Variants in AFF3 observed in about 807,000 individuals in gnomAD.
AFF3 encodes the protein ALF transcription elongation factor 3.
AFF3 carries 32 observed loss-of-function variants against 129.7 expected under a neutral mutation model. The ratio of observed to expected loss-of-function variants is 0.25; its 90% confidence interval spans 0.19 to 0.33. AFF3 has a LOEUF of 0.33. AFF3 is among the 10% of genes least tolerant of loss of function. The pLI, the probability that AFF3 is intolerant of heterozygous loss-of-function variation, is 1.00. For missense variants in AFF3, 1,373 were observed against 1,592.0 expected (o/e 0.86, Z 2.34); for synonymous variants, 644 against 635.4 (o/e 1.01, Z -0.20).
At chr2:99,678,702 T>C (rs1427631712) in intron 11 of AFF3, among the ~76,000 whole-genome samples, 2 of 152,268 alleles carry the variant, frequency 1.3e-5, no homozygotes, top group African/African-American at 2.4e-5. Context: ...CTAAGACAAA[T>C]GTTTATGAAT....
At chr2:99,876,196 A>T (rs1221121873) in intron 7 of AFF3, among the ~76,000 whole-genome samples, 3 of 152,108 alleles carry the variant, frequency 2.0e-5, no homozygotes, top group Non-Finnish European at 4.4e-5. Context: ...GACCATTTGT[A>T]TTCTAAGTTG....
chr2:100,106,695 C>T (rs1407005843), intron 2 of AFF3: 8 of 985,956 alleles, frequency 8.1e-6, no homozygotes, highest in African/African-American at 3.5e-5. Flanking sequence ...GGAGACCTCC[C>T]GGCCCTCACC....
At chr2:99,730,192 C>T (rs1679706865) in intron 10 of AFF3, among the ~76,000 whole-genome samples, 2 of 152,040 alleles carry the variant, frequency 1.3e-5, no homozygotes, top group African/African-American at 4.8e-5. Context: ...GGAAAAGATG[C>T]TTAAGGTACC....
chr2:99,940,327 A>G (rs1674910359), intron 7 of AFF3, among the ~76,000 whole-genome samples: 2 of 152,164 alleles, frequency 1.3e-5, no homozygotes, highest in Non-Finnish European at 2.9e-5. Context: ...AATCAGAGCA[A>G]CTCCATCTTG....
At chr2:99,967,774 T>C (rs1677938443) in intron 7 of AFF3, among the ~76,000 whole-genome samples, 1 of 152,270 alleles carries the variant, frequency 6.6e-6, no homozygotes, top group African/African-American at 2.4e-5. Flanking sequence ...ATTTGTATTC[T>C]ACTTCTGAAA....
At chr2:99,998,579 A>T (rs898420954) in intron 7 of AFF3, among the ~76,000 whole-genome samples, 2 of 152,186 alleles carry the variant, frequency 1.3e-5, no homozygotes, top group African/African-American at 4.8e-5. Flanking sequence ...TCTGCTGTTA[A>T]TCCTTTTGTT....
chr2:99,607,930 G>A (rs975346106), intron 13 of AFF3, among the ~76,000 whole-genome samples: 1 of 152,172 alleles, frequency 6.6e-6, no homozygotes, highest in Non-Finnish European at 1.5e-5. Flanking sequence ...GTAAATGCGG[G>A]ATTGAAGAGG....
intron 4 of AFF3, among the ~76,000 whole-genome samples, chr2:100,067,805 G>C (rs1190901044): frequency 1.3e-5 from 2 of 151,980 alleles, no homozygotes; most frequent in Non-Finnish European, 2.9e-5. Flanking sequence ...CTCTAAACTG[G>C]TAACAAGGCA....
At chr2:99,918,464 C>T (rs1695632135) in intron 7 of AFF3, among the ~76,000 whole-genome samples, 2 of 152,164 alleles carry the variant, frequency 1.3e-5, no homozygotes, top group South Asian at 4.1e-4. Flanking sequence ...AGTAACAGAT[C>T]AAGTCACCAC....
At chr2:99,602,807 T>C (rs565573235) in intron 13 of AFF3, among the ~76,000 whole-genome samples, 1 of 152,232 alleles carries the variant, frequency 6.6e-6, no homozygotes, top group East Asian at 1.9e-4. Context: ...ATCCCTTAAA[T>C]CTTTGATACG....
chr2:99,615,428 A>C lies in AFF3; in HGVS notation c.1185-13807T>G, dbSNP rs371344528. ...TTCTGGTGATACAACTCGCCTCCCCACTTTCAGGCGGGTGGTACCACTAGA... is the reference window on the plus strand; with the variant it reads ...TTCTGGTGATACAACTCGCCTCCCCCCTTTCAGGCGGGTGGTACCACTAGA... On this transcript the variant is annotated intron_variant, in intron 13 of 24. Transcript: ENST00000672756. 5.8e-4 allele frequency among the ~76,000 whole-genome samples: 89 copies of C among 152,278 alleles called. 1 individual carries two copies. The highest frequency in any genetic ancestry group is 1.8e-3 in the African/African-American group (74 of 41,564).
chr2:99,655,426 A>C (rs1685663481), intron 12 of AFF3, among the ~76,000 whole-genome samples: 1 of 152,144 alleles, frequency 6.6e-6, no homozygotes. Flanking sequence ...ACATCAGAGA[A>C]ATGGGGGTGG....
intron 2 of AFF3, among the ~76,000 whole-genome samples, chr2:100,118,450 T>A (rs1002527110): frequency 3.9e-5 from 6 of 152,194 alleles, no homozygotes; most frequent in African/African-American, 1.4e-4. Context: ...GAGCTGATGG[T>A]TATAGCTCCA....
intron 13 of AFF3, among the ~76,000 whole-genome samples, chr2:99,622,117 A>T (rs1575529407): frequency 6.6e-6 from 1 of 152,204 alleles, no homozygotes; most frequent in East Asian, 1.9e-4. Flanking sequence ...ACGTGCTGAG[A>T]ACAATACAGG....
chr2:99,963,728 G>A (rs533154380), intron 7 of AFF3, among the ~76,000 whole-genome samples: 1 of 151,766 alleles, frequency 6.6e-6, no homozygotes, highest in East Asian at 1.9e-4. Flanking sequence ...AATAGAAACA[G>A]AAGAATGAGG....
intron 2 of AFF3, among the ~76,000 whole-genome samples, chr2:100,123,471 A>T (rs1333017313): frequency 6.6e-6 from 1 of 152,206 alleles, no homozygotes; most frequent in Non-Finnish European, 1.5e-5. Context: ...CTTTACATTG[A>T]AATGTGTTGG....
intron 8 of AFF3, among the ~76,000 whole-genome samples, chr2:99,811,255 A>G (rs946948026): frequency 6.6e-6 from 1 of 152,234 alleles, no homozygotes. Context: ...CAGGAAGGTG[A>G]TAAGTATGTA....
intron 7 of AFF3, among the ~76,000 whole-genome samples, chr2:99,973,133 T>C (rs1419972169): frequency 1.3e-5 from 2 of 152,216 alleles, no homozygotes; most frequent in Non-Finnish European, 2.9e-5. Context: ...AAGGCTTAGA[T>C]TCCCATGACC....
intron 13 of AFF3, among the ~76,000 whole-genome samples, chr2:99,603,945 G>T (rs1248160139): frequency 6.6e-6 from 1 of 152,178 alleles, no homozygotes; most frequent in Non-Finnish European, 1.5e-5. Context: ...ACACCAGTCA[G>T]ACTGGCTATT....
Sources: gnomAD v4.1 joint callset for allele counts (sites outside exome capture counted in the v4.1 genomes callset) on GRCh38, gnomAD v4.1.1 for gene constraint, MANE v1.5 for transcripts, NCBI Gene and HGNC (gene_info 2026-07-23, HGNC 2026-07-21) for gene names.